GLYR1: variants seen among roughly 807,000 people sequenced by gnomAD.
The protein encoded by GLYR1 is glyoxylate reductase 1 homolog, also known as cytokine-like nuclear factor N-PAC.
Under a neutral mutation model 72.7 loss-of-function variants are expected in GLYR1, and 21 were observed. The ratio of observed to expected loss-of-function variants is 0.29; its 90% CI spans 0.20 to 0.42. GLYR1 has a LOEUF of 0.42. Ranked by LOEUF, GLYR1 falls within the 10% of genes least tolerant of loss-of-function variation. The probability of loss-of-function intolerance (pLI) is 1.00; values close to 1 mark genes in which losing one functional copy is unlikely to be tolerated. For synonymous variants in GLYR1, 392 were observed against 270.2 expected, an observed-to-expected ratio of 1.45 and a Z score of -4.42; for missense variants, 594 against 712.1, an observed-to-expected ratio of 0.83 and a Z score of 1.89.
Position 4,814,476 on chromosome 16 carries a change from A to G in GLYR1, c.1017+61T>C, listed in dbSNP as rs1343754589. 2.4e-6 allele frequency: 3 copies of G among 1,275,430 alleles called. No homozygotes were observed. In the African/African-American group the frequency reaches 4.4e-5, roughly 19 times the overall value. 79.0% of individuals were successfully genotyped at this position (1,275,430 alleles called of 1,614,324 possible). On this transcript the variant is annotated intron_variant, in intron 11 of 15. Coordinates refer to ENST00000321919, the MANE Select transcript of GLYR1 (RefSeq NM_032569.4). ...TTGGTGTGCAGGGGAGGAGGGGAAG[A>G]GGCCAGCCAGCAATCCTGGCTGTGA...
Position 4,833,105 on chromosome 16 carries a change from G to C in GLYR1, c.156-193C>G, listed in dbSNP as rs73515191. The stretch of plus-strand genomic sequence containing the variant: ...TCTAAAGTATATTTTCTTGAAACAA[G>C]TCAAGCAGAACAACCATCACCACCA... On this transcript the variant is annotated intron_variant, in intron 3 of 15. Transcript: ENST00000321919. 7.0e-3 allele frequency: 3,183 copies of C among 453,836 alleles called. 87 individuals carry two copies. The highest frequency in any genetic ancestry group is 0.057 in the African/African-American group (2,810 of 49,538). 28.1% of individuals were successfully genotyped at this position (453,836 alleles called of 1,614,324 possible).
chr16:4,811,955 A>G (rs1169597490), intron 13 of GLYR1, 131 bp downstream of exon 13: 2 of 1,428,678 alleles, frequency 1.4e-6, no homozygotes, highest in Non-Finnish European at 1.9e-6. Flanking sequence ...CCACGCACTG[A>G]CTATGCAGGT....
intron 3 of GLYR1, chr16:4,843,735 G>C: frequency 1.1e-6 from 1 of 935,854 alleles, no homozygotes; most frequent in South Asian, 1.6e-5. Flanking sequence ...AGAAGCCACA[G>C]ACATTTTTTT....
chr16:4,803,697 C>A lies in GLYR1; in HGVS notation c.*1539G>T, dbSNP rs369557307. On this transcript the variant is annotated 3_prime_UTR_variant, in exon 16 of 16. Transcript: ENST00000321919. ...GACAGGCATCTTCCCTGCCCTCCCC[C>A]CACTCGTCTTCTGCAATCCTCTAAC... 2 of 152,196 alleles carry A rather than the reference C, an allele frequency of 1.3e-5. No homozygotes were observed. Among genetic ancestry groups the A allele is most frequent in the Non-Finnish European group, 2.9e-5 (2 of 68,050 alleles). The allele number at this position is 152,196 out of a possible 1,614,324, so 9.4% of individuals were successfully genotyped here.
Position 4,831,960 on chromosome 16 carries a change from C to A in GLYR1, c.537+19G>T. On this transcript the variant is annotated intron_variant, in intron 5 of 15. Coordinates refer to ENST00000321919, the MANE Select transcript of GLYR1 (RefSeq NM_032569.4). ...AAAAGGACATCACTAATCCCGGAAGCTGCAGAGAGAAAACAAACCTTCTCA... is the reference window on the plus strand; with the variant it reads ...AAAAGGACATCACTAATCCCGGAAGATGCAGAGAGAAAACAAACCTTCTCA... 1 of 1,609,360 alleles carries A rather than the reference C, an allele frequency of 6.2e-7. No individual in the cohort carries two copies. The highest frequency in any genetic ancestry group is 1.1e-5 in the South Asian group (1 of 90,512).
chr16:4,823,069 T>C, intron 6 of GLYR1, 138 bp from the exon 7 acceptor site: 9 of 763,308 alleles, frequency 1.2e-5, no homozygotes, highest in Non-Finnish European at 1.8e-5. Flanking sequence ...GGAAACTCTT[T>C]TCCCATTTTG....
chr16:4,811,633 C>G lies in GLYR1; in HGVS notation c.1452G>C (p.Gln484His), dbSNP rs777762239. ...QGQLASIFLD[Q>H]KCQNILQGNF... The stretch of plus-strand genomic sequence containing the variant: ...CCAAAAACAACTCACTTTGGCACTT[C>G]TGGTCCAGGAAGATGCTGGCCAACT... The change falls in exon 14 of 16, where the codon CAG (glutamine) becomes CAC (histidine). Residue 484 changes from glutamine to histidine, a missense_variant. Gln to His is a conservative substitution (Grantham distance 24). Transcript: ENST00000321919. 8.7e-6 allele frequency: 14 copies of G among 1,613,856 alleles called. No individual in the cohort carries two copies. The highest frequency in any genetic ancestry group is 1.2e-5 in the Non-Finnish European group (14 of 1,180,050).
At chr16:4,843,422 T>C (rs888671706) in intron 3 of GLYR1, 68 of 1,178,924 alleles carry the variant, frequency 5.8e-5, no homozygotes, top group Non-Finnish European at 7.1e-5. Flanking sequence ...CCCAAAGTAC[T>C]GGGATTGCAG....
chr16:4,812,963 A>ATT (rs777147624), intron 12 of GLYR1, among the ~76,000 whole-genome samples: 4 of 98,474 alleles, frequency 4.1e-5, no homozygotes, highest in East Asian at 2.9e-4. Flanking sequence ...TGCCTGGCTA[A>ATT]TTTTTTTTTT....
At chr16:4,806,570 G>C (rs1467015878) in intron 15 of GLYR1, among the ~76,000 whole-genome samples, 5 of 151,096 alleles carry the variant, frequency 3.3e-5, no homozygotes, top group African/African-American at 1.2e-4. Flanking sequence ...GTCTTGCTAT[G>C]TTGCCCAGGC....
chr16:4,839,154 G>C (rs1394539942), intron 3 of GLYR1: 1 of 152,816 alleles, frequency 6.5e-6, no homozygotes, highest in East Asian at 1.9e-4. Context: ...AAGATGGCAG[G>C]GGGAGGGAGA....
intron 5 of GLYR1, among the ~76,000 whole-genome samples, chr16:4,826,300 C>A (rs780008619): frequency 2.0e-5 from 3 of 152,100 alleles, no homozygotes; most frequent in Non-Finnish European, 2.9e-5. Flanking sequence ...TTTATAGGGT[C>A]TTGCTATGTT....
At chr16:4,828,071 T>A (rs2084521707) in intron 5 of GLYR1, among the ~76,000 whole-genome samples, 1 of 151,668 alleles carries the variant, frequency 6.6e-6, no homozygotes, top group African/African-American at 2.4e-5. Flanking sequence ...AAGGCATGTA[T>A]ATATATATAT....
At chr16:4,840,076 T>C (rs981633240) in intron 3 of GLYR1, 3 of 152,286 alleles carry the variant, frequency 2.0e-5, no homozygotes, top group African/African-American at 7.2e-5. Flanking sequence ...CACTTATGGC[T>C]TTGTCTTCAC....
Position 4,812,255 on chromosome 16 carries a change from A to C in GLYR1, c.1120-7T>G. The C allele has an allele frequency of 6.2e-7, 1 of 1,611,086 alleles. No individual in the cohort carries two copies. The highest frequency in any genetic ancestry group is 1.1e-5 in the South Asian group (1 of 90,972). ...CCCCCCTGGACACAATCACCTGGAA[A>C]GAAAAGTCACAGCTTCTGGAGGCCT... On this transcript the variant is annotated splice_region_variant and splice_polypyrimidine_tract_variant and intron_variant, in intron 12 of 15. Transcript: ENST00000321919.
intron 3 of GLYR1, chr16:4,844,024 G>A (rs1187254209): frequency 1.3e-5 from 2 of 151,188 alleles, no homozygotes; most frequent in African/African-American, 5.0e-5. Context: ...TCAGGCACCA[G>A]AATCACTTGT....
intron 3 of GLYR1, among the ~76,000 whole-genome samples, chr16:4,835,721 C>G (rs2085087197): frequency 6.6e-6 from 1 of 152,176 alleles, no homozygotes. Flanking sequence ...ATCCCAGCTA[C>G]TCGGAAGGCT....
chr16:4,820,054 G>C (rs2083913328), intron 9 of GLYR1, among the ~76,000 whole-genome samples: 2 of 152,156 alleles, frequency 1.3e-5, no homozygotes, highest in South Asian at 4.1e-4. Flanking sequence ...CTGGAGTGCA[G>C]TGGTGCGATC....
intron 5 of GLYR1, among the ~76,000 whole-genome samples, chr16:4,828,545 G>A (rs2084579725): frequency 6.6e-6 from 1 of 151,982 alleles, no homozygotes; most frequent in South Asian, 2.1e-4. Context: ...TAATAATTCA[G>A]ACCCAAGGGC....
Sources: allele counts gnomAD v4.1 joint callset (sites outside exome capture counted in the v4.1 genomes callset), GRCh38; gene constraint gnomAD v4.1.1; transcripts MANE v1.5; gene names NCBI Gene and HGNC (gene_info 2026-07-23, HGNC 2026-07-21).